Variants in TASOR observed in about 807,000 individuals in gnomAD.
TASOR encodes protein TASOR.
A neutral mutation model predicts 178.6 loss-of-function variants in TASOR; 53 were observed. That is an observed-to-expected ratio of 0.30 (90% CI 0.24 to 0.37). The LOEUF (loss-of-function observed/expected upper bound fraction) is 0.37, where lower values mean the gene tolerates loss of function less well. Among genes scored for constraint, TASOR ranks in the 10% least tolerant of loss-of-function variants. The pLI is 1.00. For synonymous variants in TASOR, 713 were observed against 696.2 expected, an observed-to-expected ratio of 1.02 and a Z score of -0.38; for missense variants, 1,815 against 1,971.4, an observed-to-expected ratio of 0.92 and a Z score of 1.50.
At chr3:56,673,229 C>T (rs1298341510) in intron 2 of TASOR, among the ~76,000 whole-genome samples, 1 of 152,086 alleles carries the variant, frequency 6.6e-6, no homozygotes, top group Admixed American at 6.6e-5. Flanking sequence ...AAATGTAATG[C>T]TACAGCAACA....
intron 1 of TASOR, among the ~76,000 whole-genome samples, chr3:56,679,537 G>A (rs563138451): frequency 2.0e-5 from 3 of 152,322 alleles, no homozygotes; most frequent in African/African-American, 7.2e-5. Context: ...AAAAAGGCAA[G>A]TGAAAATTTT....
chr3:56,621,600 T>C lies in TASOR; in HGVS notation c.*1437A>G. The C allele has an allele frequency of 6.3e-7, 1 of 1,593,592 alleles. No homozygotes were observed. The highest frequency in any genetic ancestry group is 1.1e-5 in the South Asian group (1 of 87,626). On this transcript the variant is annotated 3_prime_UTR_variant, in exon 24 of 24. Coordinates refer to ENST00000683822, the MANE Select transcript of TASOR (RefSeq NM_001365635.2). ...CTTTAGCTGAAAATCAAGAAGAGAGTTTTGGTTCTTCATTTTAAATGTAGA... is the reference window on the plus strand; with the variant it reads ...CTTTAGCTGAAAATCAAGAAGAGAGCTTTGGTTCTTCATTTTAAATGTAGA...
Position 56,668,617 on chromosome 3 carries a change from T to C in TASOR, c.736-59A>G, listed in dbSNP as rs547740562. ...AAACCTAATTGTTGACTATATAACA[T>C]TAATATTATGAAATACTTCTTTGAA... On this transcript the variant is annotated intron_variant, in intron 5 of 23. Transcript: ENST00000683822. The C allele has an allele frequency of 1.4e-5, 16 of 1,179,324 alleles. No individual in the cohort carries two copies. The African/African-American group carries it at 2.5e-4, about 18-fold the overall frequency. The allele number at this position is 1,179,324 out of a possible 1,614,324, so 73.1% of individuals were successfully genotyped here.
chr3:56,641,769 C>A lies in TASOR; in HGVS notation c.2216-17G>T. The A allele has an allele frequency of 1.3e-6, 2 of 1,574,954 alleles. No individual in the cohort carries two copies. Among genetic ancestry groups the A allele is most frequent in the South Asian group, 2.3e-5 (2 of 85,894 alleles). ...GTGGAGACTCTGAGAAAAAGGAAGTCATTGGTTGAAGTTAAGTTTAAAAGC... is the reference window on the plus strand; with the variant it reads ...GTGGAGACTCTGAGAAAAAGGAAGTAATTGGTTGAAGTTAAGTTTAAAAGC... On this transcript the variant is annotated splice_polypyrimidine_tract_variant and intron_variant, in intron 14 of 23. Transcript: ENST00000683822.
At position 56,643,291 on chromosome 3, in the gene TASOR, A is replaced by C. The variant is rs2077166079; in HGVS notation, c.2216-1539T>G. 2.0e-5 allele frequency among the ~76,000 whole-genome samples: 3 copies of C among 151,812 alleles called. No homozygotes were observed. The South Asian group carries it at 6.2e-4, about 32-fold the overall frequency. On this transcript the variant is annotated intron_variant, in intron 14 of 23. Coordinates refer to ENST00000683822, the MANE Select transcript of TASOR (RefSeq NM_001365635.2). ...AAAAAAAAAAAGTTCTATATATTGG[A>C]GCGGTGATTACACAGCTGTCAAAAC...
chr3:56,667,421 G>A (rs2030157738), intron 6 of TASOR, among the ~76,000 whole-genome samples: 1 of 152,098 alleles, frequency 6.6e-6, no homozygotes, highest in African/African-American at 2.4e-5. Flanking sequence ...GGAGGCTGAG[G>A]CAGACAGGAT....
At position 56,663,585 on chromosome 3, in the gene TASOR, TAAAAG is replaced by T. The variant is rs751765529; in HGVS notation, c.1023-18_1023-14del. On this transcript the variant is annotated splice_polypyrimidine_tract_variant and intron_variant, in intron 7 of 23. Coordinates refer to ENST00000683822, the MANE Select transcript of TASOR (RefSeq NM_001365635.2). ...AAAGCTGTTAGATCTACAAATTTTT[TAAAAG>T]AAAAGAAAAACATTACTCATTAGTA... 82 of 1,289,828 alleles carry T rather than the reference TAAAAG, an allele frequency of 6.4e-5. No homozygotes were observed. The highest frequency in any genetic ancestry group is 1.1e-4 in the African/African-American group (7 of 65,748). 79.9% of individuals were successfully genotyped at this position (1,289,828 alleles called of 1,614,324 possible). A position where few individuals can be genotyped will look rare whatever the true frequency, so the allele number is the denominator to read the frequency against.
At chr3:56,671,537 CA>C in intron 3 of TASOR, 62 bp downstream of exon 3, 1 of 1,236,768 alleles carries the variant, frequency 8.1e-7, no homozygotes, top group East Asian at 2.6e-5. Flanking sequence ...TGAATAATCA[CA>C]AAATTAGTAA....
intron 15 of TASOR, among the ~76,000 whole-genome samples, chr3:56,641,045 A>G (rs2077112313): frequency 6.6e-6 from 1 of 152,198 alleles, no homozygotes; most frequent in African/African-American, 2.4e-5. Context: ...TTATGAAACA[A>G]TAAGGAATTA....
At chr3:56,623,761 A>G in intron 23 of TASOR, 195 bp from the exon 24 acceptor site, 1 of 1,550,104 alleles carries the variant, frequency 6.5e-7, no homozygotes, top group Non-Finnish European at 8.7e-7. Context: ...ATCCGATGCT[A>G]AAAGCTTCTG....
At chr3:56,679,389 C>G (rs1313719354) in intron 1 of TASOR, among the ~76,000 whole-genome samples, 1 of 152,158 alleles carries the variant, frequency 6.6e-6, no homozygotes, top group East Asian at 1.9e-4. Context: ...CTGAGGATAG[C>G]TCAAAGTAAA....
intron 11 of TASOR, among the ~76,000 whole-genome samples, chr3:56,650,985 G>A (rs979056226): frequency 3.9e-5 from 6 of 152,118 alleles, no homozygotes; most frequent in South Asian, 2.1e-4. Context: ...GCTCACTGAC[G>A]AAAACCAATT....
chr3:56,641,674 A>G lies in TASOR; in HGVS notation c.2294T>C (p.Ile765Thr). ...ATTAAACAGCCTATGGATGTCAGCA[A>G]TGCCGGAGTTACAGGTATCCTGCTG... ...RQQQDTCNSG[I>T]ADIHRLFNWL... Residue 765 changes from isoleucine to threonine, a missense_variant, in exon 15 of 24, where the codon ATT becomes ACT. Coordinates refer to ENST00000683822, the MANE Select transcript of TASOR (RefSeq NM_001365635.2). 6.2e-7 allele frequency: 1 copy of G among 1,614,230 alleles called. No homozygotes were observed. Among genetic ancestry groups the G allele is most frequent in the Non-Finnish European group, 8.5e-7 (1 of 1,180,042 alleles).
At position 56,662,370 on chromosome 3, in the gene TASOR, TTTAC is replaced by T. The variant is rs1200665100; in HGVS notation, c.1160+11_1160+14del. The T allele has an allele frequency of 6.4e-6, 9 of 1,414,070 alleles. No individual in the cohort carries two copies. The East Asian group carries it at 2.2e-4, about 35-fold the overall frequency. The allele number at this position is 1,414,070 out of a possible 1,614,324, so 87.6% of individuals were successfully genotyped here. A position where few individuals can be genotyped will look rare whatever the true frequency, so the allele number is the denominator to read the frequency against. ...TAAAATTAGCAACCACGAACTGCTCTTTACTTATACTTACAGTTTGATAGGCAAA... is the reference window on the plus strand; with the variant it reads ...TAAAATTAGCAACCACGAACTGCTCTTTATACTTACAGTTTGATAGGCAAA... On this transcript the variant is annotated intron_variant, in intron 9 of 23. Coordinates refer to ENST00000683822, the MANE Select transcript of TASOR (RefSeq NM_001365635.2).
At position 56,628,731 on chromosome 3, in the gene TASOR, T is replaced by C. The variant is rs182902778; in HGVS notation, c.3748-117A>G. 14 of 681,186 alleles carry C rather than the reference T, an allele frequency of 2.1e-5. No individual in the cohort carries two copies. In the East Asian group the frequency reaches 3.6e-4, roughly 17 times the overall value. The allele number at this position is 681,186 out of a possible 1,614,324, so 42.2% of individuals were successfully genotyped here. A position where few individuals can be genotyped will look rare whatever the true frequency, so the allele number is the denominator to read the frequency against. ...ACTACTACCATGACATTATTAACAA[T>C]GAATGAACTTACACTCTAAGAGACC... On this transcript the variant is annotated intron_variant, in intron 18 of 23. Transcript: ENST00000683822.
At chr3:56,670,564 CAATA>C (rs1317621673) in intron 3 of TASOR, among the ~76,000 whole-genome samples, 1 of 152,100 alleles carries the variant, frequency 6.6e-6, no homozygotes, top group Admixed American at 6.6e-5. Flanking sequence ...TCCTGCCACT[CAATA>C]TATATAACCA....
intron 4 of TASOR, 38 bp downstream of exon 4, chr3:56,670,035 A>G (rs1238044631): frequency 7.8e-7 from 1 of 1,280,142 alleles, no homozygotes; most frequent in South Asian, 1.4e-5. Context: ...ACAGCAACTT[A>G]GTAGTAGATA....
intron 6 of TASOR, among the ~76,000 whole-genome samples, chr3:56,667,045 T>C (rs2030091668): frequency 6.6e-6 from 1 of 152,230 alleles, no homozygotes; most frequent in Admixed American, 6.5e-5. Flanking sequence ...AATAATGTTG[T>C]TATTGCTCTA....
chr3:56,682,530 GCGGC>G (rs2031893152), intron 1 of TASOR, 142 bp downstream of exon 1: 3 of 705,114 alleles, frequency 4.3e-6, no homozygotes, highest in Non-Finnish European at 6.3e-6. Context: ...CGGCAGCTGG[GCGGC>G]CGTGGCGGTG....
Sources: gnomAD v4.1 joint callset for allele counts (sites outside exome capture counted in the v4.1 genomes callset) on GRCh38, gnomAD v4.1.1 for gene constraint, MANE v1.5 for transcripts, NCBI Gene and HGNC (gene_info 2026-07-23, HGNC 2026-07-21) for gene names.